NOL4: variants seen among roughly 807,000 people sequenced by gnomAD.
NOL4 encodes the protein nucleolar protein 4.
Under a neutral mutation model 75.9 loss-of-function variants are expected in NOL4, and 17 were observed. The ratio of observed to expected loss-of-function variants is 0.22; its 90% CI spans 0.15 to 0.34. NOL4 has a LOEUF of 0.34. NOL4 is among the 10% of genes least tolerant of loss of function. The pLI is 1.00. For missense variants in NOL4, 614 were observed against 793.5 expected (o/e 0.77, Z 2.72); for synonymous variants, 292 against 289.9 (o/e 1.01, Z -0.07).
intron 4 of NOL4, among the ~76,000 whole-genome samples, chr18:34,096,373 A>G (rs1229345187): frequency 6.6e-6 from 1 of 152,106 alleles, no homozygotes; most frequent in Non-Finnish European, 1.5e-5. Flanking sequence ...GACTAAGTGC[A>G]TGTATTCATT....
intron 9 of NOL4, among the ~76,000 whole-genome samples, chr18:33,895,182 G>C (rs918455151): frequency 9.2e-5 from 14 of 151,776 alleles, no homozygotes; most frequent in African/African-American, 3.4e-4. Flanking sequence ...AGAATGATAG[G>C]CTTAAAGAAA....
chr18:33,869,359 GT>G (rs1384235658), intron 10 of NOL4, among the ~76,000 whole-genome samples: 1 of 151,978 alleles, frequency 6.6e-6, no homozygotes, highest in Non-Finnish European at 1.5e-5. Context: ...ATGTGTAAGT[GT>G]TTTATAGACA....
At chr18:34,079,710 GA>G (rs950025980) in intron 5 of NOL4, among the ~76,000 whole-genome samples, 3 of 150,828 alleles carry the variant, frequency 2.0e-5, no homozygotes, top group Admixed American at 6.6e-5. Context: ...TCTTTTGGAA[GA>G]AAAAAAAAGT....
At chr18:33,950,000 T>C (rs2069102707) in intron 8 of NOL4, among the ~76,000 whole-genome samples, 1 of 151,790 alleles carries the variant, frequency 6.6e-6, no homozygotes, top group African/African-American at 2.4e-5. Flanking sequence ...ATTTTGTATA[T>C]ACTATATACA....
At chr18:33,978,784 G>A (rs1026837017) in intron 6 of NOL4, among the ~76,000 whole-genome samples, 1 of 151,486 alleles carries the variant, frequency 6.6e-6, no homozygotes, top group Non-Finnish European at 1.5e-5. Flanking sequence ...TAATATAAAT[G>A]CTATTTAAAT....
At chr18:34,095,614 T>C (rs1237511253) in intron 4 of NOL4, among the ~76,000 whole-genome samples, 1 of 152,092 alleles carries the variant, frequency 6.6e-6, no homozygotes, top group African/African-American at 2.4e-5. Flanking sequence ...CAGAGTCACA[T>C]GTGGAGTGAG....
chr18:34,183,810 T>TC (rs1276981924), intron 1 of NOL4, among the ~76,000 whole-genome samples: 7 of 151,858 alleles, frequency 4.6e-5, no homozygotes, highest in Admixed American at 1.3e-4. Flanking sequence ...TTAGAGGAGC[T>TC]GTCTACAAAA....
At chr18:34,018,960 A>G (rs1298692595) in intron 6 of NOL4, among the ~76,000 whole-genome samples, 2 of 152,152 alleles carry the variant, frequency 1.3e-5, no homozygotes, top group African/African-American at 2.4e-5. Context: ...GAGAAACTAG[A>G]TAGTGATCCT....
chr18:34,009,657 G>C (rs1349449888), intron 6 of NOL4, among the ~76,000 whole-genome samples: 1 of 151,902 alleles, frequency 6.6e-6, no homozygotes, highest in African/African-American at 2.4e-5. Flanking sequence ...GCTGATAAGT[G>C]TGCTTCCTGA....
intron 6 of NOL4, among the ~76,000 whole-genome samples, chr18:33,967,700 G>GA (rs1177869606): frequency 2.0e-5 from 3 of 152,214 alleles, no homozygotes; most frequent in South Asian, 2.1e-4. Flanking sequence ...TGGCTAACAT[G>GA]AAAAAATCTT....
At chr18:34,100,772 C>T (rs1001131481) in intron 4 of NOL4, among the ~76,000 whole-genome samples, 7 of 152,066 alleles carry the variant, frequency 4.6e-5, no homozygotes, top group African/African-American at 1.4e-4. Context: ...CACTATCTGC[C>T]GATGATGCTT....
chr18:34,060,345 A>G (rs1722323544), intron 5 of NOL4, among the ~76,000 whole-genome samples: 1 of 152,172 alleles, frequency 6.6e-6, no homozygotes, highest in Admixed American at 6.5e-5. Flanking sequence ...TCAATTTTGA[A>G]CTAGTTTTTA....
chr18:34,130,075 T>C (rs2080569074), intron 1 of NOL4, 55 bp from the exon 2 acceptor site: 1 of 1,416,824 alleles, frequency 7.1e-7, no homozygotes, highest in Non-Finnish European at 9.3e-7. Context: ...CTAATTTGCA[T>C]TTAATACACA....
At chr18:33,901,912 T>C (rs1477835692) in intron 9 of NOL4, among the ~76,000 whole-genome samples, 1 of 152,040 alleles carries the variant, frequency 6.6e-6, no homozygotes. Context: ...AAGACAGAAG[T>C]ATGAAGAAGG....
intron 6 of NOL4, among the ~76,000 whole-genome samples, chr18:34,003,359 T>C (rs1489768204): frequency 6.6e-6 from 1 of 152,074 alleles, no homozygotes; most frequent in Non-Finnish European, 1.5e-5. Flanking sequence ...GCATCCTCAG[T>C]GGCTGGCATG....
intron 9 of NOL4, among the ~76,000 whole-genome samples, chr18:33,896,232 CA>C (rs2065400211): frequency 6.6e-6 from 1 of 152,038 alleles, no homozygotes; most frequent in South Asian, 2.1e-4. Flanking sequence ...CTGCCCAAAG[CA>C]ATTTACAGAT....
At chr18:34,193,592 T>C (rs1466491733) in intron 1 of NOL4, among the ~76,000 whole-genome samples, 2 of 132,492 alleles carry the variant, frequency 1.5e-5, no homozygotes, top group African/African-American at 2.8e-5. Context: ...TAAAAGTCTT[T>C]TGAGAAGATG....
chr18:33,857,119 T>A (rs1394458293), intron 10 of NOL4, among the ~76,000 whole-genome samples: 1 of 152,080 alleles, frequency 6.6e-6, no homozygotes, highest in African/African-American at 2.4e-5. Flanking sequence ...CTCCTGATAG[T>A]TACCTTTTAT....
At chr18:34,141,708 T>C (rs148568305) in intron 1 of NOL4, among the ~76,000 whole-genome samples, 5,056 of 152,232 alleles carry the variant, frequency 0.033, 284 homozygotes, top group African/African-American at 0.12. Context: ...ACTTAAATGT[T>C]AGACCTAAAA....
Sources: gnomAD v4.1 joint callset for allele counts (sites outside exome capture counted in the v4.1 genomes callset) on GRCh38, gnomAD v4.1.1 for gene constraint, MANE v1.5 for transcripts, NCBI Gene and HGNC (gene_info 2026-07-23, HGNC 2026-07-21) for gene names.